Variants in MMEL1 observed in about 807,000 individuals in gnomAD.
MMEL1 encodes the protein membrane metalloendopeptidase like 1, also known as membrane metallo-endopeptidase-like 1.
A neutral mutation model predicts 117.1 loss-of-function variants in MMEL1; 98 were observed. That is an observed-to-expected ratio of 0.84 (90% CI 0.71 to 0.99). The LOEUF (loss-of-function observed/expected upper bound fraction) is 0.99, where lower values mean the gene tolerates loss of function less well. MMEL1 is among the 50% of genes least tolerant of loss of function. The probability of loss-of-function intolerance (pLI) is 0.00; values close to 1 mark genes in which losing one functional copy is unlikely to be tolerated. For synonymous variants in MMEL1, 390 were observed against 415.1 expected (o/e 0.94, Z 0.74); for missense variants, 1,014 against 1,049.1 (o/e 0.97, Z 0.46).
intron 13 of MMEL1, among the ~76,000 whole-genome samples, chr1:2,597,851 C>CCCTGCCTGCT (rs1427170345): frequency 2.0e-5 from 3 of 152,198 alleles, no homozygotes; most frequent in African/African-American, 7.2e-5. Context: ...CGGGTCCGGC[C>CCCTGCCTGCT]CCTGCCTGCT....
intron 12 of MMEL1, among the ~76,000 whole-genome samples, 171 bp downstream of exon 12, chr1:2,598,483 C>T (rs140379412): frequency 2.0e-4 from 31 of 152,332 alleles, no homozygotes; most frequent in African/African-American, 7.5e-4. Flanking sequence ...GGATGTGACA[C>T]ATTTTTAATG....
intron 13 of MMEL1, among the ~76,000 whole-genome samples, chr1:2,597,917 C>T (rs1358768392): frequency 3.3e-5 from 5 of 152,190 alleles, no homozygotes; most frequent in South Asian, 2.1e-4. Context: ...GAAATCACCC[C>T]GCCGCCTCTT....
intron 2 of MMEL1, 84 bp downstream of exon 2, chr1:2,629,247 G>C: frequency 1.4e-6 from 2 of 1,399,112 alleles, no homozygotes. Flanking sequence ...CGGGCTGGGG[G>C]CAGGCGGACC....
At chr1:2,605,718 C>T in intron 8 of MMEL1, 95 bp from the exon 9 acceptor site, 1 of 907,044 alleles carries the variant, frequency 1.1e-6, no homozygotes, top group South Asian at 1.5e-5. Context: ...AGGACTGTGC[C>T]CCGTGCACAC....
At chr1:2,602,160 G>T (rs1644942867) in intron 11 of MMEL1, among the ~76,000 whole-genome samples, 1 of 152,230 alleles carries the variant, frequency 6.6e-6, no homozygotes, top group Non-Finnish European at 1.5e-5. Context: ...GCCACGTCAG[G>T]GACCGGCCTC....
intron 2 of MMEL1, among the ~76,000 whole-genome samples, chr1:2,621,952 G>A (rs1398250501): frequency 6.6e-6 from 1 of 152,046 alleles, no homozygotes; most frequent in African/African-American, 2.4e-5. Context: ...ACGTCCTCAG[G>A]ACCTCCTGGG....
chr1:2,595,182 G>A lies in MMEL1; in HGVS notation c.1584+94C>T, dbSNP rs145401287. 0.016 allele frequency: 18,503 copies of A among 1,144,784 alleles called. 200 individuals are homozygous for A. Among genetic ancestry groups the A allele is most frequent in the Admixed American group, 0.024 (1,163 of 48,638 alleles). 70.9% of individuals were successfully genotyped at this position (1,144,784 alleles called of 1,614,324 possible). A position where few individuals can be genotyped will look rare whatever the true frequency, so the allele number is the denominator to read the frequency against. On this transcript the variant is annotated intron_variant, in intron 16 of 23. Transcript: ENST00000378412. This position sits in a 1 kb window ranked among gnomAD's most constrained non-coding sequence, Gnocchi z 4.8. ...GGACAGCTGTGTTAGCGCCTGGGAG[G>A]AGGGCACAGAGCTTGGCACAGAGGA...
chr1:2,611,932 CA>C (rs1645136594), intron 3 of MMEL1, among the ~76,000 whole-genome samples, 194 bp downstream of exon 3: 1 of 152,174 alleles, frequency 6.6e-6, no homozygotes, highest in South Asian at 2.1e-4. Context: ...GGAGTGTCCA[CA>C]GTGCCCAGTA....
At position 2,617,714 on chromosome 1, in the gene MMEL1, T is replaced by A. The variant is rs118029344; in HGVS notation, c.155-5510A>T. On this transcript the variant is annotated intron_variant, in intron 2 of 23. Transcript: ENST00000378412. ...TTGGGGGAGTGGCAGGGCATGAACC[T>A]CCAGACCCCATACTGGCATTCGACA... 7.8e-4 allele frequency among the ~76,000 whole-genome samples: 119 copies of A among 152,254 alleles called. 2 individuals carry two copies. In the East Asian group the frequency reaches 0.021, roughly 27 times the overall value.
intron 2 of MMEL1, 152 bp downstream of exon 2, chr1:2,629,179 C>A: frequency 1.3e-6 from 1 of 796,174 alleles, no homozygotes; most frequent in Non-Finnish European, 1.8e-6. Context: ...CGCAGCTCGG[C>A]CCCGGGAGCC....
rs1645030844 is a variant in MMEL1 at position 2,606,473 on chromosome 1, G to A, written c.632-107C>T. ...GAGCCAGGAACTAGGGGGCCATAGG[G>A]TGGGGAGCTCACCTGTGCGCCTTAG... is the stretch of plus-strand genomic sequence containing the variant. On this transcript the variant is annotated intron_variant, in intron 7 of 23. Transcript: ENST00000378412. 3 of 781,624 alleles carry A rather than the reference G, an allele frequency of 3.8e-6. No homozygotes were observed. In the Admixed American group the frequency reaches 6.9e-5, roughly 18 times the overall value. The allele number at this position is 781,624 out of a possible 1,614,324, so 48.4% of individuals were successfully genotyped here.
chr1:2,602,699 A>T (rs1644952638), intron 11 of MMEL1, among the ~76,000 whole-genome samples: 1 of 152,138 alleles, frequency 6.6e-6, no homozygotes, highest in South Asian at 2.1e-4. Flanking sequence ...CGGACACGGC[A>T]TCCCCCGCTT....
intron 21 of MMEL1, among the ~76,000 whole-genome samples, chr1:2,592,283 G>GT (rs1644735105): frequency 2.1e-5 from 3 of 142,316 alleles, no homozygotes; most frequent in African/African-American, 5.6e-5. Context: ...AGCCCCTGAC[G>GT]CCCCCTCCCC....
Position 2,592,042 on chromosome 1 carries a change from C to T in MMEL1, c.2068-15G>A. On this transcript the variant is annotated splice_polypyrimidine_tract_variant and intron_variant, in intron 21 of 23. Coordinates refer to ENST00000378412, the MANE Select transcript of MMEL1 (RefSeq NM_033467.4). Reference sequence around the variant, plus strand: ...TTGAGGTAGGCCTGCAGGCACCAGACAGGAGCTGAGCTCAGGCCTGCCAGC... The same window carrying T: ...TTGAGGTAGGCCTGCAGGCACCAGATAGGAGCTGAGCTCAGGCCTGCCAGC... The T allele has an allele frequency of 6.2e-7, 1 of 1,609,378 alleles. No individual in the cohort carries two copies.
rs768584411 is a variant in MMEL1, at chr1:2,629,493, C to A, written c.-9G>T. 6.7e-7 allele frequency: 1 copy of A among 1,491,450 alleles called. No individual in the cohort carries two copies. The allele number at this position is 1,491,450 out of a possible 1,614,324, so 92.4% of individuals were successfully genotyped here. On this transcript the variant is annotated 5_prime_UTR_variant, in exon 2 of 24. Transcript: ENST00000378412. Reference sequence around the variant, plus strand: ...CCTTCGGACTTCCCCATCAGCAGGGCTCTGGACGGGAGAGCACCGCGGAGG... The same window carrying A: ...CCTTCGGACTTCCCCATCAGCAGGGATCTGGACGGGAGAGCACCGCGGAGG...
intron 23 of MMEL1, chr1:2,591,318 T>G (rs1644697346): frequency 1.7e-6 from 1 of 597,286 alleles, no homozygotes; most frequent in African/African-American, 1.9e-5. Flanking sequence ...AATAAAACTC[T>G]CCTTCACACA....
intron 11 of MMEL1, 151 bp downstream of exon 11, chr1:2,603,733 T>C (rs767267040): frequency 7.6e-6 from 5 of 656,116 alleles, no homozygotes; most frequent in East Asian, 2.7e-5. Flanking sequence ...GCAGCAAGTT[T>C]GGGTGATCAG....
intron 10 of MMEL1, 65 bp from the exon 11 acceptor site, chr1:2,604,038 T>A: frequency 6.3e-7 from 1 of 1,589,344 alleles, no homozygotes; most frequent in Non-Finnish European, 8.6e-7. Flanking sequence ...CCTGGCCCAG[T>A]CCCTGCCTGC....
Position 2,595,271 on chromosome 1 carries a change from C to A in MMEL1, c.1584+5G>T. 1 of 1,612,728 alleles carries A rather than the reference C, an allele frequency of 6.2e-7. No individual in the cohort carries two copies. Among genetic ancestry groups the A allele is most frequent in the South Asian group, 1.1e-5 (1 of 91,040 alleles). The stretch of plus-strand genomic sequence containing the variant: ...GGCAGTTTAGGGCTGGGGTTGGGGG[C>A]GCACATTGGAGTACTCCTCGTCCAG... On this transcript the variant is annotated splice_donor_5th_base_variant and intron_variant, in intron 16 of 23. Transcript: ENST00000378412. The surrounding 1 kb of genome is among the most constrained non-coding windows in gnomAD (Gnocchi z 4.8).
Sources: allele counts gnomAD v4.1 joint callset (sites outside exome capture counted in the v4.1 genomes callset), GRCh38; gene constraint gnomAD v4.1.1; non-coding constraint Gnocchi (gnomAD v3.1); transcripts MANE v1.5; gene names NCBI Gene and HGNC (gene_info 2026-07-23, HGNC 2026-07-21).